GRIN2B: variants seen among roughly 807,000 people sequenced by gnomAD.
GRIN2B encodes the protein glutamate ionotropic receptor NMDA type subunit 2B.
A neutral mutation model predicts 114.5 loss-of-function variants in GRIN2B; 5 were observed. The observed-to-expected ratio is 0.04, with a 90% CI of 0.02 to 0.09. GRIN2B has a LOEUF of 0.09. Ranked by LOEUF, GRIN2B falls within the 10% of genes least tolerant of loss-of-function variation. GRIN2B has a pLI of 1.00. For synonymous variants in GRIN2B, 787 were observed against 745.1 expected (o/e 1.06, Z -0.92); for missense variants, 1,108 against 1,943.5 (o/e 0.57, Z 8.08).
In GRIN2B at chr12:13,753,712, C is replaced by T; in HGVS notation, c.615G>A (p.Leu205=). The change falls in exon 4 of 14, where the codon CTG becomes CTA. Residue 205 remains leucine (L), a synonymous_variant. Transcript: ENST00000609686. This position sits in a 1 kb window ranked among gnomAD's most constrained non-coding sequence, Gnocchi z 6.2. ...VGWELEEVLL[L]DMSLDDGDSK... is the part of the protein sequence containing the mutation. ...AATCTCCATCGTCCAGGGACATGTC[C>T]AGTAGGAGGACCTCCTCTAGCTCCC... The T allele has an allele frequency of 3.1e-6, 5 of 1,614,156 alleles. No individual in the cohort carries two copies. The highest frequency in any genetic ancestry group is 3.4e-6 in the Non-Finnish European group (4 of 1,179,994).
At chr12:13,808,766 T>TATATATATATATATATAC (rs1229808539) in intron 3 of GRIN2B, among the ~76,000 whole-genome samples, 5 of 146,814 alleles carry the variant, frequency 3.4e-5, no homozygotes, top group Non-Finnish European at 7.5e-5. Flanking sequence ...TATATATATA[T>TATATATATATATATATAC]ATATACATAT....
chr12:13,871,193 AC>A (rs1400183804), intron 2 of GRIN2B, among the ~76,000 whole-genome samples: 1 of 152,170 alleles, frequency 6.6e-6, no homozygotes, highest in African/African-American at 2.4e-5. Context: ...TAGTTCAGAT[AC>A]CTAGAAATGT....
At chr12:13,908,174 A>G (rs1866574703) in intron 2 of GRIN2B, among the ~76,000 whole-genome samples, 1 of 150,770 alleles carries the variant, frequency 6.6e-6, no homozygotes, top group Non-Finnish European at 1.5e-5. Context: ...TCCTCCAACC[A>G]TCTCTATCAT....
chr12:13,910,803 A>C (rs1290576049), intron 2 of GRIN2B, among the ~76,000 whole-genome samples: 1 of 152,182 alleles, frequency 6.6e-6, no homozygotes, highest in Non-Finnish European at 1.5e-5. Flanking sequence ...TGCATCTTTC[A>C]TAGATTTTTA....
intron 10 of GRIN2B, among the ~76,000 whole-genome samples, chr12:13,574,240 G>T (rs1263843364): frequency 5.9e-5 from 9 of 152,282 alleles, no homozygotes; most frequent in African/African-American, 1.9e-4. Context: ...AGTAAATAGG[G>T]ATATGCTTTA....
chr12:13,834,004 GTC>G (rs1243065172), intron 3 of GRIN2B, among the ~76,000 whole-genome samples: 1 of 141,706 alleles, frequency 7.1e-6, no homozygotes, highest in African/African-American at 2.5e-5. Flanking sequence ...AAACACAGTA[GTC>G]TCTTTGCTAA....
Position 13,753,408 on chromosome 12 carries a change from T to C in GRIN2B, c.919A>G (p.Met307Val). 1 of 1,614,120 alleles carries C rather than the reference T, an allele frequency of 6.2e-7. No individual in the cohort carries two copies. ...GGGATGAAGCTGTGCTCAGACAGCA[T>C]GTCAGAAGCAGCAGTGGTGATTATG... is the stretch of plus-strand genomic sequence containing the variant. ...IAIITTAASDMLSEHSFIPEP... is the reference protein window; with the variant it reads ...IAIITTAASDVLSEHSFIPEP... The change falls in exon 4 of 14, where the codon ATG becomes GTG. Residue 307 changes from methionine (M) to valine (V), a missense_variant. Transcript: ENST00000609686. The surrounding 1 kb of genome is among the most constrained non-coding windows in gnomAD (Gnocchi z 6.2).
At chr12:13,953,441 A>G (rs998400238) in intron 2 of GRIN2B, among the ~76,000 whole-genome samples, 1 of 152,122 alleles carries the variant, frequency 6.6e-6, no homozygotes, top group Non-Finnish European at 1.5e-5. Flanking sequence ...AATCTACACC[A>G]ATTTGCTTAT....
chr12:13,865,439 C>A (rs1865811381), intron 3 of GRIN2B, among the ~76,000 whole-genome samples: 1 of 151,886 alleles, frequency 6.6e-6, no homozygotes, highest in African/African-American at 2.4e-5. Context: ...TGAGACCAAC[C>A]TGGTCAACAT....
intron 5 of GRIN2B, among the ~76,000 whole-genome samples, chr12:13,642,189 A>AAAACAAAC (rs35583863): frequency 0.1 from 15,075 of 149,660 alleles, 815 homozygotes; most frequent in African/African-American, 0.15. Context: ...ACTCTGTCTC[A>AAAACAAAC]AAACAAACAA....
chr12:13,820,690 T>C (rs1271770565), intron 3 of GRIN2B, among the ~76,000 whole-genome samples: 3 of 152,194 alleles, frequency 2.0e-5, no homozygotes, highest in Non-Finnish European at 2.9e-5. Context: ...AATGAATAAA[T>C]GAACTGGGAT....
chr12:13,580,024 T>C (rs997964789), intron 10 of GRIN2B, among the ~76,000 whole-genome samples: 3 of 152,170 alleles, frequency 2.0e-5, no homozygotes, highest in South Asian at 4.1e-4. Context: ...TGAAGAAACA[T>C]ACTTGTTGAG....
At chr12:13,608,498 CG>C (rs1949318215) in intron 10 of GRIN2B, 104 bp downstream of exon 10, 1 of 784,998 alleles carries the variant, frequency 1.3e-6, no homozygotes, top group Admixed American at 2.0e-5. Context: ...TAAGAAAGAA[CG>C]GTCAATTCCA....
At chr12:13,737,027 T>C (rs868814814) in intron 4 of GRIN2B, among the ~76,000 whole-genome samples, 213 of 14,972 alleles carry the variant, frequency 0.014, no homozygotes, top group African/African-American at 0.056. Flanking sequence ...AGAAACTCCA[T>C]CTCAAAAAAA....
chr12:13,843,353 CT>C (rs1371692606), intron 3 of GRIN2B, among the ~76,000 whole-genome samples: 1 of 151,974 alleles, frequency 6.6e-6, no homozygotes, highest in Non-Finnish European at 1.5e-5. Flanking sequence ...TCAAGTACCC[CT>C]AGGGGTCATT....
intron 3 of GRIN2B, among the ~76,000 whole-genome samples, chr12:13,765,950 C>T (rs1270615121): frequency 6.6e-6 from 1 of 152,186 alleles, no homozygotes; most frequent in Non-Finnish European, 1.5e-5. Context: ...AGAGTGATTA[C>T]AGTAGTCTAG....
At chr12:13,837,805 A>C (rs1865302907) in intron 3 of GRIN2B, among the ~76,000 whole-genome samples, 1 of 152,084 alleles carries the variant, frequency 6.6e-6, no homozygotes, top group Non-Finnish European at 1.5e-5. Context: ...ATCTACATTC[A>C]ACATGTGTAT....
chr12:13,919,534 A>G (rs1866789208), intron 2 of GRIN2B, among the ~76,000 whole-genome samples: 1 of 152,198 alleles, frequency 6.6e-6, no homozygotes, highest in African/African-American at 2.4e-5. Flanking sequence ...TAGAGACAAT[A>G]TGGCTTTTTG....
chr12:13,678,641 G>C (rs970746598), intron 4 of GRIN2B, among the ~76,000 whole-genome samples: 1 of 152,024 alleles, frequency 6.6e-6, no homozygotes, highest in Admixed American at 6.6e-5. Context: ...TGCTCAATCT[G>C]CTCCACTTCT....
Sources: gnomAD v4.1 joint callset for allele counts (sites outside exome capture counted in the v4.1 genomes callset) on GRCh38, gnomAD v4.1.1 for gene constraint, Gnocchi (gnomAD v3.1) non-coding constraint, MANE v1.5 for transcripts, NCBI Gene and HGNC (gene_info 2026-07-23, HGNC 2026-07-21) for gene names.